The following CTNND2 variants were observed in gnomAD, a reference collection of about 807,000 sequenced individuals.
CTNND2 encodes the protein catenin delta-2.
A neutral mutation model predicts 144.4 loss-of-function variants in CTNND2; 22 were observed. That is an observed-to-expected ratio of 0.15 (90% CI 0.11 to 0.22). The LOEUF (loss-of-function observed/expected upper bound fraction) is 0.22, where lower values mean the gene tolerates loss of function less well. CTNND2 is among the 10% of genes least tolerant of loss of function. The probability of loss-of-function intolerance (pLI) is 1.00; values close to 1 mark genes in which losing one functional copy is unlikely to be tolerated. For synonymous variants in CTNND2, 751 were observed against 695.6 expected (o/e 1.08, Z -1.25); for missense variants, 1,353 against 1,618.8 (o/e 0.84, Z 2.82).
intron 9 of CTNND2, among the ~76,000 whole-genome samples, chr5:11,344,929 T>G (rs929422034): frequency 2.0e-5 from 3 of 152,148 alleles, no homozygotes; most frequent in Non-Finnish European, 4.4e-5. Context: ...ATAATTTGGT[T>G]TCTTATTAAG....
chr5:11,409,860 G>A (rs1761375151), intron 5 of CTNND2, among the ~76,000 whole-genome samples: 1 of 151,952 alleles, frequency 6.6e-6, no homozygotes, highest in African/African-American at 2.4e-5. Flanking sequence ...TCTTTTCAGA[G>A]GAGAATTTAG....
chr5:11,333,268 T>C (rs1561233390), intron 9 of CTNND2, among the ~76,000 whole-genome samples: 1 of 152,174 alleles, frequency 6.6e-6, no homozygotes, highest in Non-Finnish European at 1.5e-5. Flanking sequence ...TTCTTTTCTT[T>C]TTTTTGTTTT....
chr5:11,187,986 G>A (rs1326184105), intron 11 of CTNND2, among the ~76,000 whole-genome samples: 1 of 152,140 alleles, frequency 6.6e-6, no homozygotes, highest in Admixed American at 6.5e-5. Flanking sequence ...AAACAGGAAT[G>A]CTTTTACACT....
chr5:11,343,986 G>A (rs1446891033), intron 9 of CTNND2, among the ~76,000 whole-genome samples: 2 of 152,180 alleles, frequency 1.3e-5, no homozygotes, highest in African/African-American at 4.8e-5. Context: ...AAACATATTA[G>A]TTCTGGTAAT....
At chr5:11,162,357 T>G (rs1758854861) in intron 11 of CTNND2, among the ~76,000 whole-genome samples, 1 of 152,090 alleles carries the variant, frequency 6.6e-6, no homozygotes, top group African/African-American at 2.4e-5. Context: ...TGACAAGAAG[T>G]GAAAGAATGG....
intron 16 of CTNND2, among the ~76,000 whole-genome samples, chr5:11,072,432 C>T (rs1181327065): frequency 6.6e-6 from 1 of 152,210 alleles, no homozygotes; most frequent in Admixed American, 6.5e-5. Context: ...TTTTACCTGA[C>T]ATTGCTTAAG....
intron 1 of CTNND2, among the ~76,000 whole-genome samples, chr5:11,867,404 T>C (rs1795822495): frequency 6.6e-6 from 1 of 152,216 alleles, no homozygotes; most frequent in Non-Finnish European, 1.5e-5. Flanking sequence ...ACATCTCAGA[T>C]TATTATAATC....
chr5:11,247,802 A>T (rs1157795607), intron 9 of CTNND2, among the ~76,000 whole-genome samples: 2 of 152,238 alleles, frequency 1.3e-5, no homozygotes, highest in African/African-American at 4.8e-5. Flanking sequence ...CTCAAAGACC[A>T]TTAGATTACA....
At chr5:11,429,768 A>T (rs1308207992) in intron 3 of CTNND2, among the ~76,000 whole-genome samples, 1 of 152,184 alleles carries the variant, frequency 6.6e-6, no homozygotes, top group Admixed American at 6.5e-5. Context: ...AAACGAAGTG[A>T]TGAAAGAGTG....
At chr5:11,092,703 G>C (rs993522009) in intron 15 of CTNND2, among the ~76,000 whole-genome samples, 1 of 152,216 alleles carries the variant, frequency 6.6e-6, no homozygotes, top group Admixed American at 6.5e-5. Context: ...TCTAATTGAT[G>C]AGGCACGATG....
At chr5:11,828,332 C>G (rs796157233) in intron 1 of CTNND2, among the ~76,000 whole-genome samples, 1 of 151,872 alleles carries the variant, frequency 6.6e-6, no homozygotes, top group African/African-American at 2.4e-5. Flanking sequence ...GAGTTCGAGA[C>G]CAGCCTGGCC....
At chr5:11,524,418 C>G (rs1246779240) in intron 3 of CTNND2, among the ~76,000 whole-genome samples, 1 of 152,150 alleles carries the variant, frequency 6.6e-6, no homozygotes, top group Non-Finnish European at 1.5e-5. Context: ...CAAGCATCAG[C>G]AAACAGTGGA....
intron 9 of CTNND2, among the ~76,000 whole-genome samples, chr5:11,321,791 A>T (rs1359752519): frequency 6.6e-6 from 1 of 152,060 alleles, no homozygotes; most frequent in Non-Finnish European, 1.5e-5. Context: ...GTTCTTGGTG[A>T]TTCTTTCCTA....
intron 1 of CTNND2, among the ~76,000 whole-genome samples, chr5:11,823,908 G>T (rs960249005): frequency 5.3e-5 from 8 of 152,004 alleles, no homozygotes; most frequent in Admixed American, 4.6e-4. Context: ...AGGAGTTTGA[G>T]ACCAGCCTGG....
intron 9 of CTNND2, among the ~76,000 whole-genome samples, chr5:11,290,895 G>A (rs189624309): frequency 2.0e-5 from 3 of 152,318 alleles, no homozygotes; most frequent in East Asian, 1.9e-4. Flanking sequence ...GAAGGGACAC[G>A]TGCTGGCAGC....
At chr5:11,646,137 A>G (rs1373672115) in intron 2 of CTNND2, among the ~76,000 whole-genome samples, 1 of 151,478 alleles carries the variant, frequency 6.6e-6, no homozygotes, top group Non-Finnish European at 1.5e-5. Context: ...CTCTCAGTCC[A>G]TGAGCCCATG....
At chr5:11,090,009 A>G (rs959524047) in intron 15 of CTNND2, among the ~76,000 whole-genome samples, 1 of 152,038 alleles carries the variant, frequency 6.6e-6, no homozygotes, top group African/African-American at 2.4e-5. Context: ...ACTCTGTCTC[A>G]AAAAAAATAA....
rs777770919 is a variant in CTNND2 at position 11,565,031 on chromosome 5, C to T, written c.200G>A (p.Arg67Gln). The T allele has an allele frequency of 6.8e-6, 11 of 1,613,950 alleles. No individual in the cohort carries two copies. The highest frequency in any genetic ancestry group is 3.3e-5 in the Admixed American group (2 of 60,026). Residue 67 changes from arginine to glutamine, a missense_variant, in exon 3 of 22, where the codon CGA (arginine) becomes CAA (glutamine). By Grantham distance (43) the Arg-to-Gln change is conservative. This residue lies in a region of CTNND2 where 708 missense variants were observed against 706.4 expected (regional missense o/e 1.00). Transcript: ENST00000304623. ...GATCTGCCGTTCAGCCTCCAGCTCT[C>T]GGGTCAGCCTTTCAAACTGTAATTC... ...EQELQFERLT[R>Q]ELEAERQIVA... is the part of the protein sequence containing the mutation.
chr5:11,770,540 T>C (rs1789873643), intron 1 of CTNND2, among the ~76,000 whole-genome samples: 1 of 152,076 alleles, frequency 6.6e-6, no homozygotes, highest in African/African-American at 2.4e-5. Context: ...ATATTTCCCA[T>C]CATTCAGGAA....
Sources: gnomAD v4.1 joint callset for allele counts (sites outside exome capture counted in the v4.1 genomes callset) on GRCh38, gnomAD v4.1.1 for gene constraint, gnomAD v4.1.1 regional missense constraint, MANE v1.5 for transcripts, NCBI Gene and HGNC (gene_info 2026-07-23, HGNC 2026-07-21) for gene names.